Variants in PDE4D observed in about 807,000 individuals in gnomAD.
PDE4D encodes 3',5'-cyclic-AMP phosphodiesterase 4D.
PDE4D carries 24 observed loss-of-function variants against 87.4 expected under a neutral mutation model. The ratio of observed to expected loss-of-function variants is 0.27; its 90% CI spans 0.20 to 0.39. PDE4D has a LOEUF of 0.39. Ranked by LOEUF, PDE4D falls within the 10% of genes least tolerant of loss-of-function variation. PDE4D has a pLI of 1.00. For synonymous variants in PDE4D, 384 were observed against 383.2 expected (o/e 1.00, Z -0.02); for missense variants, 714 against 1,041.0 (o/e 0.69, Z 4.32).
At chr5:59,282,510 G>A (rs1265519876) in intron 1 of PDE4D, among the ~76,000 whole-genome samples, 1 of 151,744 alleles carries the variant, frequency 6.6e-6, no homozygotes, top group Non-Finnish European at 1.5e-5. Flanking sequence ...GGGTGTGGTG[G>A]CGAGCACCTG....
At chr5:59,042,711 A>T (rs1359911391) in intron 5 of PDE4D, among the ~76,000 whole-genome samples, 1 of 152,176 alleles carries the variant, frequency 6.6e-6, no homozygotes, top group South Asian at 2.1e-4. Flanking sequence ...CAACAGCATC[A>T]GTTTTCTTCA....
chr5:60,383,221 G>T (rs1761983282), intron 1 of PDE4D, among the ~76,000 whole-genome samples: 1 of 151,902 alleles, frequency 6.6e-6, no homozygotes, highest in South Asian at 2.1e-4. Flanking sequence ...TTCTGTAAAA[G>T]GTATGAAAAA....
intron 1 of PDE4D, among the ~76,000 whole-genome samples, chr5:59,792,952 T>C (rs369260279): frequency 2.6e-5 from 4 of 152,122 alleles, no homozygotes; most frequent in African/African-American, 9.7e-5. Context: ...GCAGAAAGAA[T>C]GATCATGACA....
intron 1 of PDE4D, among the ~76,000 whole-genome samples, chr5:59,463,221 A>G (rs1801042684): frequency 6.6e-6 from 1 of 152,228 alleles, no homozygotes; most frequent in Admixed American, 6.5e-5. Flanking sequence ...CATTCATATC[A>G]TATTGAAACA....
At chr5:60,335,906 A>T (rs1161772047) in intron 1 of PDE4D, among the ~76,000 whole-genome samples, 1 of 152,240 alleles carries the variant, frequency 6.6e-6, no homozygotes, top group Non-Finnish European at 1.5e-5. Context: ...TCATTAACTG[A>T]TAGCACTAAT....
At chr5:59,207,577 G>GA (rs1478992389) in intron 2 of PDE4D, among the ~76,000 whole-genome samples, 1 of 152,068 alleles carries the variant, frequency 6.6e-6, no homozygotes, top group East Asian at 1.9e-4. Flanking sequence ...GGTATGCACT[G>GA]AAAAATAGGC....
chr5:60,274,434 C>T (rs568816304), intron 1 of PDE4D, among the ~76,000 whole-genome samples: 167 of 152,200 alleles, frequency 1.1e-3, no homozygotes, highest in African/African-American at 3.8e-3. Context: ...AATCTCGACT[C>T]ACTGCAATTT....
At chr5:59,345,312 G>C (rs1779436726) in intron 1 of PDE4D, among the ~76,000 whole-genome samples, 2 of 152,080 alleles carry the variant, frequency 1.3e-5, no homozygotes, top group African/African-American at 2.4e-5. Flanking sequence ...GTGAGCACGG[G>C]ATATATAGCA....
At chr5:59,837,252 C>A (rs973832698) in intron 1 of PDE4D, among the ~76,000 whole-genome samples, 5 of 151,998 alleles carry the variant, frequency 3.3e-5, no homozygotes, top group African/African-American at 1.2e-4. Flanking sequence ...AGGCACCAAG[C>A]CAGGAACTAT....
intron 5 of PDE4D, among the ~76,000 whole-genome samples, chr5:59,071,473 C>T (rs1005939462): frequency 4.7e-5 from 7 of 149,440 alleles, no homozygotes; most frequent in South Asian, 4.2e-4. Context: ...CCTTTCAACC[C>T]TTCTATTGAG....
At chr5:60,167,503 C>T (rs1165125140) in intron 2 of PDE4D, among the ~76,000 whole-genome samples, 2 of 152,002 alleles carry the variant, frequency 1.3e-5, no homozygotes, top group Admixed American at 1.3e-4. Flanking sequence ...CTCCTGACCT[C>T]GTGATCCGCC....
At chr5:60,263,686 C>G (rs1267068615) in intron 1 of PDE4D, among the ~76,000 whole-genome samples, 1 of 152,140 alleles carries the variant, frequency 6.6e-6, no homozygotes, top group African/African-American at 2.4e-5. Context: ...ATTTTGTCTC[C>G]TATGAACAAC....
chr5:59,252,514 C>T (rs528721235), intron 1 of PDE4D, among the ~76,000 whole-genome samples: 1 of 151,746 alleles, frequency 6.6e-6, no homozygotes, highest in South Asian at 2.1e-4. Flanking sequence ...ATATGGTTAA[C>T]CATATCATCT....
intron 1 of PDE4D, among the ~76,000 whole-genome samples, chr5:59,632,846 T>C (rs1410783124): frequency 6.6e-6 from 1 of 151,978 alleles, no homozygotes; most frequent in African/African-American, 2.4e-5. Flanking sequence ...GGATCACAAC[T>C]CCTCGCCAGC....
chr5:59,403,534 C>T (rs945645945), intron 1 of PDE4D, among the ~76,000 whole-genome samples: 1 of 152,114 alleles, frequency 6.6e-6, no homozygotes, highest in Admixed American at 6.5e-5. Flanking sequence ...ATTTCCAGCT[C>T]CCTTAAATAG....
At chr5:59,401,688 C>T (rs941565213) in intron 1 of PDE4D, among the ~76,000 whole-genome samples, 1 of 152,160 alleles carries the variant, frequency 6.6e-6, no homozygotes, top group Non-Finnish European at 1.5e-5. Flanking sequence ...ACATTTAGCT[C>T]TGCTGATGTT....
intron 1 of PDE4D, among the ~76,000 whole-genome samples, chr5:60,516,224 A>G (rs1019165829): frequency 2.0e-5 from 3 of 152,274 alleles, no homozygotes; most frequent in Non-Finnish European, 2.9e-5. Context: ...GAAAAATATG[A>G]GAACAACAAT....
At chr5:60,081,760 A>C (rs1773976873) in intron 2 of PDE4D, among the ~76,000 whole-genome samples, 1 of 151,604 alleles carries the variant, frequency 6.6e-6, no homozygotes, top group African/African-American at 2.4e-5. Context: ...AAGAATGTTG[A>C]GTATTGGTCC....
At chr5:59,126,163 A>G (rs1056303615) in intron 5 of PDE4D, among the ~76,000 whole-genome samples, 8 of 151,798 alleles carry the variant, frequency 5.3e-5, no homozygotes, top group African/African-American at 1.7e-4. Context: ...GGAAGGGAAG[A>G]AGGAAGGAAG....
Sources: gnomAD v4.1 joint callset for allele counts (sites outside exome capture counted in the v4.1 genomes callset) on GRCh38, gnomAD v4.1.1 for gene constraint, MANE v1.5 for transcripts, NCBI Gene and HGNC (gene_info 2026-07-23, HGNC 2026-07-21) for gene names.